PIK3R4: variants seen among roughly 807,000 people sequenced by gnomAD.
PIK3R4 encodes phosphoinositide-3-kinase regulatory subunit 4.
PIK3R4 carries 46 observed loss-of-function variants against 136.5 expected under a neutral mutation model. The ratio of observed to expected loss-of-function variants is 0.34; its 90% confidence interval spans 0.27 to 0.43. The LOEUF is 0.43. Among genes scored for constraint, PIK3R4 ranks in the 20% least tolerant of loss-of-function variants. The pLI is 1.00. For synonymous variants in PIK3R4, 557 were observed against 566.7 expected (o/e 0.98, Z 0.24); for missense variants, 1,331 against 1,649.5 (o/e 0.81, Z 3.35).
intron 15 of PIK3R4, 114 bp from the exon 16 acceptor site, chr3:130,684,495 T>C (rs1463170622): frequency 2.1e-6 from 2 of 955,154 alleles, no homozygotes; most frequent in Non-Finnish European, 1.5e-6. Context: ...AAAAATGCCT[T>C]CGTTACTTAA....
chr3:130,742,430 C>T (rs1288245313), intron 2 of PIK3R4, among the ~76,000 whole-genome samples: 4 of 152,192 alleles, frequency 2.6e-5, no homozygotes, highest in Non-Finnish European at 4.4e-5. Context: ...TAAAGGATTA[C>T]ATAACAATTA....
Position 130,745,202 on chromosome 3 carries a change from G to A in PIK3R4, c.17C>T (p.Ala6Val). ...AAGGATCTGGGAGGGAGCAATGCCA[G>A]CAAGCTGATTTCCCATAATGGCAAG... MGNQL[A>V]GIAPSQILSV... The change falls in exon 2 of 20, where the codon GCT becomes GTT. Residue 6 changes from alanine (A) to valine (V), a missense_variant. By Grantham distance (64) the Ala-to-Val change is moderately conservative. Transcript: ENST00000356763. The A allele has an allele frequency of 1.3e-6, 2 of 1,599,984 alleles. No individual in the cohort carries two copies. The highest frequency in any genetic ancestry group is 1.7e-5 in the Admixed American group (1 of 57,758).
At chr3:130,742,385 T>TC (rs1260628848) in intron 2 of PIK3R4, among the ~76,000 whole-genome samples, 1 of 152,122 alleles carries the variant, frequency 6.6e-6, no homozygotes, top group Non-Finnish European at 1.5e-5. Flanking sequence ...CTATGAATGA[T>TC]CCCCTGAAGT....
In PIK3R4 at chr3:130,730,408, T is replaced by A. The variant is rs183399732; in HGVS notation, c.1485A>T (p.Arg495Ser). 2.5e-6 allele frequency: 4 copies of A among 1,596,728 alleles called. No individual in the cohort carries two copies. The East Asian group carries it at 9.1e-5, about 36-fold the overall frequency. ...NIALLAETAL[R>S]FLELVQLKNL... ...TTTTTAACTGTACTAATTCCAGGAA[T>A]CTCAGAGCTGTTTCTGCCAGCAGAG... The change falls in exon 5 of 20, where the codon AGA becomes AGT. Residue 495 changes from arginine to serine, a missense_variant. Physicochemically the swap from Arg to Ser is moderately radical, Grantham distance 110. This residue lies in a region of PIK3R4 where 1,180 missense variants were observed against 1,407.0 expected (regional missense o/e 0.84). Transcript: ENST00000356763.
chr3:130,726,287 ATGT>A (rs1292000994), intron 6 of PIK3R4, among the ~76,000 whole-genome samples: 2 of 152,074 alleles, frequency 1.3e-5, no homozygotes, highest in African/African-American at 4.8e-5. Flanking sequence ...TGCTTAAAGT[ATGT>A]TATTAGAAAA....
At chr3:130,687,493 G>A (rs1460986207) in intron 14 of PIK3R4, among the ~76,000 whole-genome samples, 1 of 152,050 alleles carries the variant, frequency 6.6e-6, no homozygotes, top group Non-Finnish European at 1.5e-5. Context: ...TTCAGTTTCT[G>A]CTTTAACTTT....
At position 130,736,022 on chromosome 3, in the gene PIK3R4, A is replaced by G. The variant is rs374572116; in HGVS notation, c.734-20T>C. ...CACAACCTGAAAAATAGCAGGTATA[A>G]TTCTGTTAGAAAAGAGATAAAAAAT... On this transcript the variant is annotated intron_variant, in intron 2 of 19. Transcript: ENST00000356763. The G allele has an allele frequency of 2.0e-5, 31 of 1,582,284 alleles. No individual in the cohort carries two copies. The African/African-American group carries it at 4.0e-4, about 20-fold the overall frequency.
intron 8 of PIK3R4, among the ~76,000 whole-genome samples, chr3:130,717,538 A>T (rs973659190): frequency 1.4e-5 from 2 of 146,812 alleles, no homozygotes; most frequent in Admixed American, 6.9e-5. Flanking sequence ...GGGTAAAAAT[A>T]AAAAAAAAAT....
chr3:130,681,410 T>C (rs2066457408), intron 17 of PIK3R4, 81 bp downstream of exon 17: 1 of 933,024 alleles, frequency 1.1e-6, no homozygotes, highest in Admixed American at 1.9e-5. Context: ...GCCCAACAGA[T>C]ACTAGGTTTG....
At chr3:130,739,056 C>A in intron 2 of PIK3R4, among the ~76,000 whole-genome samples, 1 of 152,026 alleles carries the variant, frequency 6.6e-6, no homozygotes, top group East Asian at 1.9e-4. Context: ...TATTAGCACA[C>A]CTTTTTTTGT....
Position 130,735,856 on chromosome 3 carries a change from G to A in PIK3R4, c.867+13C>T, listed in dbSNP as rs2066783127. On this transcript the variant is annotated intron_variant, in intron 3 of 19. Transcript: ENST00000356763. ...ATTAAAAACTTTATGGCGAATATTT[G>A]TAGCATAGTTACCAATTCTCTGATA... 10 of 1,600,324 alleles carry A rather than the reference G, an allele frequency of 6.2e-6. No homozygotes were observed. Among genetic ancestry groups the A allele is most frequent in the Middle Eastern group, 1.7e-4 (1 of 5,996 alleles).
chr3:130,723,719 C>G lies in PIK3R4; in HGVS notation c.1808-132G>C, dbSNP rs923178621. 18 of 664,650 alleles carry G rather than the reference C, an allele frequency of 2.7e-5. No homozygotes were observed. The African/African-American group carries it at 3.4e-4, about 12-fold the overall frequency. 41.2% of individuals were successfully genotyped at this position (664,650 alleles called of 1,614,324 possible). ...CTAGGAAAGAACATTGCACTTCCTA[C>G]CCAGCATGATAAAGTTAAAAAGACC... is the stretch of plus-strand genomic sequence containing the variant. On this transcript the variant is annotated intron_variant, in intron 6 of 19. Coordinates refer to ENST00000356763, the MANE Select transcript of PIK3R4 (RefSeq NM_014602.3).
rs570527789 is a variant in PIK3R4 at position 130,713,734 on chromosome 3, G to A, written c.2331+2662C>T. Among the ~76,000 whole-genome samples the A allele has an allele frequency of 7.9e-5, 12 of 151,846 alleles. No individual in the cohort carries two copies. The South Asian group carries it at 8.3e-4, about 11-fold the overall frequency. On this transcript the variant is annotated intron_variant, in intron 9 of 19. Transcript: ENST00000356763. ...GTCACCCAGGTTGGAGTGCAATGGC[G>A]CGATCTCAGCTCAATGCGACCTCTG... is the stretch of plus-strand genomic sequence containing the variant.
chr3:130,683,884 T>C (rs186549001), intron 16 of PIK3R4, among the ~76,000 whole-genome samples: 40 of 152,096 alleles, frequency 2.6e-4, no homozygotes, highest in African/African-American at 9.2e-4. Context: ...AAGGGAAGCT[T>C]TCAAGCAACA....
chr3:130,735,402 C>T (rs1281624649), intron 3 of PIK3R4, among the ~76,000 whole-genome samples: 2 of 152,314 alleles, frequency 1.3e-5, no homozygotes, highest in South Asian at 2.1e-4. Context: ...GCTTCTGTAG[C>T]TGCCTTTCCA....
At chr3:130,703,189 C>A (rs1192848195) in intron 13 of PIK3R4, among the ~76,000 whole-genome samples, 3 of 152,150 alleles carry the variant, frequency 2.0e-5, no homozygotes, top group African/African-American at 7.2e-5. Context: ...AAGTCCTTTA[C>A]AACAGCCTAC....
At chr3:130,736,483 C>A (rs1262748646) in intron 2 of PIK3R4, among the ~76,000 whole-genome samples, 1 of 152,070 alleles carries the variant, frequency 6.6e-6, no homozygotes, top group Admixed American at 6.6e-5. Flanking sequence ...GCACAAGAAT[C>A]ACTTAAACCC....
In PIK3R4 at chr3:130,744,622, A is replaced by G. The variant is rs370306026; in HGVS notation, c.597T>C (p.Pro199=). Residue 199 remains proline, a synonymous_variant, in exon 2 of 20, where the codon CCT becomes CCC. Transcript: ENST00000356763. Reference sequence around the variant, plus strand: ...ACATCCCACCATCAACAAAACGTTCAGGAGCAATATAGCAAGTTCTCCTCC... The same window carrying G: ...ACATCCCACCATCAACAAAACGTTCGGGAGCAATATAGCAAGTTCTCCTCC... ...TSRRRTCYIA[P]ERFVDGGMFA... is the part of the protein sequence containing the mutation. The G allele has an allele frequency of 5.0e-5, 80 of 1,614,264 alleles. No homozygotes were observed. The highest frequency in any genetic ancestry group is 2.0e-4 in the Admixed American group (12 of 60,030).
At chr3:130,740,019 T>C (rs1272381705) in intron 2 of PIK3R4, among the ~76,000 whole-genome samples, 1 of 152,202 alleles carries the variant, frequency 6.6e-6, no homozygotes, top group Admixed American at 6.5e-5. Flanking sequence ...GTAATGCACC[T>C]ATGGCAACTC....
Sources: allele counts gnomAD v4.1 joint callset (sites outside exome capture counted in the v4.1 genomes callset), GRCh38; gene constraint gnomAD v4.1.1; regional missense constraint gnomAD v4.1.1; transcripts MANE v1.5; gene names NCBI Gene and HGNC (gene_info 2026-07-23, HGNC 2026-07-21).